Variants in SLC35D1 observed in about 807,000 individuals in gnomAD.
SLC35D1 encodes solute carrier family 35 member D1.
In SLC35D1, 31 loss-of-function variants were observed where a neutral mutation model predicts 46.7. That is an observed-to-expected ratio of 0.66 (90% CI 0.50 to 0.90). The LOEUF is 0.90. SLC35D1 is among the 40% of genes least tolerant of loss of function. The pLI is 0.00. For missense variants in SLC35D1, 397 were observed against 426.2 expected (o/e 0.93, Z 0.60); for synonymous variants, 195 against 164.6 (o/e 1.18, Z -1.41).
chr1:67,030,153 A>G (rs2102309674), intron 8 of SLC35D1, among the ~76,000 whole-genome samples: 1 of 152,312 alleles, frequency 6.6e-6, no homozygotes, highest in South Asian at 2.1e-4. Flanking sequence ...GGTGTCTTGT[A>G]CCACCTCACC....
At chr1:66,984,660 T>A in the SLC35D1 span, 2 of 1,613,806 alleles carry the variant, frequency 1.2e-6, no homozygotes, top group Non-Finnish European at 1.7e-6. Context: ...CAGGTGGAAA[T>A]AAGAAACCAC....
rs138763359 is a variant in SLC35D1 at position 67,054,086 on chromosome 1, A to G, written c.-73T>C. 1,445 of 1,502,338 alleles carry G rather than the reference A, an allele frequency of 9.6e-4. 3 individuals are homozygous for G. The highest frequency in any genetic ancestry group is 6.5e-3 in the Admixed American group (361 of 55,284). The allele number at this position is 1,502,338 out of a possible 1,614,324, so 93.1% of individuals were successfully genotyped here. ...GGCCTGCAGCGGCAGCTCCCAGGGG[A>G]CTCCAGGAGTTGGGGACCGCAGACT... On this transcript the variant is annotated 5_prime_UTR_variant, in exon 1 of 12. Transcript: ENST00000235345.
chr1:67,000,366 C>T lies in SLC35D1; in HGVS notation c.*3974G>A, dbSNP rs2102216955. 6.8e-6 allele frequency: 1 copy of T among 147,190 alleles called. No homozygotes were observed. The highest frequency in any genetic ancestry group is 2.1e-4 in the South Asian group (1 of 4,656). 9.1% of individuals were successfully genotyped at this position (147,190 alleles called of 1,614,324 possible). On this transcript the variant is annotated 3_prime_UTR_variant, in exon 12 of 12. Transcript: ENST00000235345. Reference sequence around the variant, plus strand: ...TTTCCTTTATTAAAATGTACTGTCACAATATAAAAGAAATTTTGTTCTTTT... The same window carrying T: ...TTTCCTTTATTAAAATGTACTGTCATAATATAAAAGAAATTTTGTTCTTTT...
At chr1:66,993,671 G>T in the SLC35D1 span, among the ~76,000 whole-genome samples, 2 of 152,050 alleles carry the variant, frequency 1.3e-5, no homozygotes, top group African/African-American at 4.8e-5. Flanking sequence ...AAATACCACT[G>T]TCCAACAATG....
chr1:67,030,991 G>A (rs762782033), intron 8 of SLC35D1, among the ~76,000 whole-genome samples: 4 of 152,030 alleles, frequency 2.6e-5, no homozygotes, highest in African/African-American at 4.8e-5. Flanking sequence ...GGTTATATAC[G>A]GTAAACATGA....
the SLC35D1 span, chr1:66,986,554 G>T: frequency 8.5e-6 from 9 of 1,055,904 alleles, no homozygotes; most frequent in Non-Finnish European, 1.3e-5. Flanking sequence ...TAGCATTCAG[G>T]CCTTACCCCC....
intron 8 of SLC35D1, among the ~76,000 whole-genome samples, chr1:67,022,472 A>G (rs1056486136): frequency 6.6e-6 from 1 of 152,158 alleles, no homozygotes; most frequent in Non-Finnish European, 1.5e-5. Context: ...ACTCCTGTTC[A>G]GCCATCAAAT....
intron 10 of SLC35D1, among the ~76,000 whole-genome samples, chr1:67,019,576 T>G (rs1667755964): frequency 6.6e-6 from 1 of 152,220 alleles, no homozygotes; most frequent in African/African-American, 2.4e-5. Context: ...ACTTGACCTC[T>G]GAAATCTCTT....
chr1:67,026,519 G>A (rs1450471688), intron 8 of SLC35D1, among the ~76,000 whole-genome samples: 3 of 152,106 alleles, frequency 2.0e-5, no homozygotes, highest in Non-Finnish European at 4.4e-5. Context: ...AAGAATTTAT[G>A]TAGAATTATT....
At chr1:66,982,388 A>G in the SLC35D1 span, among the ~76,000 whole-genome samples, 913 of 152,338 alleles carry the variant, frequency 6.0e-3, 7 homozygotes, top group African/African-American at 0.02. Flanking sequence ...GCCGGTATCA[A>G]CCTGTATATT....
chr1:67,004,810 G>A (rs1027409790), intron 11 of SLC35D1, among the ~76,000 whole-genome samples: 5 of 152,132 alleles, frequency 3.3e-5, no homozygotes, highest in African/African-American at 7.2e-5. Context: ...GCTGGATGCT[G>A]ACATTACAGG....
chr1:67,033,704 T>C (rs1040771870), intron 8 of SLC35D1, among the ~76,000 whole-genome samples: 18 of 152,222 alleles, frequency 1.2e-4, no homozygotes, highest in African/African-American at 4.3e-4. Flanking sequence ...TGATTCCCTC[T>C]GTCCATTTTT....
intron 10 of SLC35D1, among the ~76,000 whole-genome samples, chr1:67,012,637 T>A (rs1172018406): frequency 6.6e-6 from 1 of 151,388 alleles, no homozygotes; most frequent in African/African-American, 2.4e-5. Flanking sequence ...CACACAATAG[T>A]GTCATGGTTA....
intron 1 of SLC35D1, 98 bp downstream of exon 1, chr1:67,053,713 C>CT (rs1444502086): frequency 5.8e-6 from 7 of 1,211,888 alleles, no homozygotes; most frequent in Middle Eastern, 2.9e-4. Flanking sequence ...CTTTGTTCGG[C>CT]TTTAACTTTG....
At position 67,000,622 on chromosome 1, in the gene SLC35D1, G is replaced by A. The variant is rs544769342; in HGVS notation, c.*3718C>T. On this transcript the variant is annotated 3_prime_UTR_variant, in exon 12 of 12. Coordinates refer to ENST00000235345, the MANE Select transcript of SLC35D1 (RefSeq NM_015139.3). ...GAGTCTCACCATGAAATAATGACAC[G>A]GTAGCCACATTTGCTGAGGGCCTAA... is the stretch of plus-strand genomic sequence containing the variant. 7 of 152,240 alleles carry A rather than the reference G, an allele frequency of 4.6e-5. No individual in the cohort carries two copies. The East Asian group carries it at 5.7e-4, about 12-fold the overall frequency. 9.4% of individuals were successfully genotyped at this position (152,240 alleles called of 1,614,324 possible).
chr1:67,015,672 A>G (rs1667670459), intron 10 of SLC35D1, among the ~76,000 whole-genome samples: 1 of 152,230 alleles, frequency 6.6e-6, no homozygotes, highest in Non-Finnish European at 1.5e-5. Flanking sequence ...TACAGACGTG[A>G]GCCACCAAGC....
At chr1:66,998,492 T>TA (rs891665309), downstream of SLC35D1, among the ~76,000 whole-genome samples, 15 of 152,070 alleles carry the variant, frequency 9.9e-5, no homozygotes, top group Non-Finnish European at 5.9e-5. Context: ...AAACTCCGTC[T>TA]AAAAAAACAC....
At chr1:67,016,290 T>C (rs138658244) in intron 10 of SLC35D1, among the ~76,000 whole-genome samples, 5 of 152,250 alleles carry the variant, frequency 3.3e-5, no homozygotes, top group Non-Finnish European at 7.4e-5. Context: ...TTGTTTTCCA[T>C]TGACAATCAT....
chr1:67,005,016 A>G (rs1402328425), intron 11 of SLC35D1, among the ~76,000 whole-genome samples: 1 of 152,068 alleles, frequency 6.6e-6, no homozygotes, highest in Admixed American at 6.5e-5. Flanking sequence ...TCACTTATCC[A>G]TCGCACCTAC....
Sources: gnomAD v4.1 joint callset for allele counts (sites outside exome capture counted in the v4.1 genomes callset) on GRCh38, gnomAD v4.1.1 for gene constraint, MANE v1.5 for transcripts, NCBI Gene and HGNC (gene_info 2026-07-23, HGNC 2026-07-21) for gene names.